BACH1: variants seen among roughly 807,000 people sequenced by gnomAD.
The protein encoded by BACH1 is BTB domain and CNC homolog 1.
A neutral mutation model predicts 52.9 loss-of-function variants in BACH1; 35 were observed. The observed-to-expected ratio is 0.66, with a 90% confidence interval of 0.51 to 0.88. BACH1 has a LOEUF of 0.88. BACH1 is among the 40% of genes least tolerant of loss of function. The pLI is 0.00. For missense variants in BACH1, 808 were observed against 872.6 expected (o/e 0.93, Z 0.93); for synonymous variants, 321 against 319.6 (o/e 1.00, Z -0.05).
chr21:29,347,635 C>T (rs1201581969), downstream of BACH1, among the ~76,000 whole-genome samples: 2 of 152,218 alleles, frequency 1.3e-5, no homozygotes, highest in African/African-American at 2.4e-5. Context: ...GGGCAGACCT[C>T]CTCTCACCTT....
At chr21:29,311,828 C>T (rs1335902803) in intron 1 of BACH1, among the ~76,000 whole-genome samples, 2 of 152,160 alleles carry the variant, frequency 1.3e-5, no homozygotes, top group African/African-American at 2.4e-5. Flanking sequence ...TTCTGTCTCC[C>T]AGCCTGCTTT....
chr21:29,325,429 A>C (rs984648336), intron 2 of BACH1, among the ~76,000 whole-genome samples: 19 of 152,188 alleles, frequency 1.2e-4, no homozygotes, highest in Non-Finnish European at 1.6e-4. Context: ...CTTCGAGTCC[A>C]TGAATTTTTG....
chr21:29,325,823 G>A (rs1158753741), intron 2 of BACH1, among the ~76,000 whole-genome samples: 1 of 152,040 alleles, frequency 6.6e-6, no homozygotes, highest in African/African-American at 2.4e-5. Context: ...CATAATTCAT[G>A]TGCAATTAAG....
At position 29,358,818 on chromosome 21, in the gene BACH1, A is replaced by AAAGAG. The variant is rs2089254453; in HGVS notation, c.472+29129_472+29130insGAAGA. Among the ~76,000 whole-genome samples the AAAGAG allele has an allele frequency of 2.9e-5, 4 of 137,072 alleles. No individual in the cohort carries two copies. In the South Asian group the frequency reaches 9.2e-4, roughly 32 times the overall value. The allele number at this position is 137,072 out of a possible 152,430, so 89.9% of individuals were successfully genotyped here. The stretch of plus-strand genomic sequence containing the variant: ...AGAAAGAAAGAAAGAAAGAAAGAAG[A>AAAGAG]AAGAAAGAAATGTAAAAAGTGCTAA... On this transcript the variant is annotated intron_variant, in intron 2 of 4. Coordinates refer to the BACH1 transcript ENST00000422809.
intron 2 of BACH1, among the ~76,000 whole-genome samples, chr21:29,360,427 A>G (rs1357786516): frequency 6.6e-6 from 1 of 152,194 alleles, no homozygotes; most frequent in Non-Finnish European, 1.5e-5. Flanking sequence ...GCCTTCCACA[A>G]TGAACTCCCT....
rs760136994 is a variant in BACH1 at position 29,326,305 on chromosome 21, G to T, written c.481G>T (p.Asp161Tyr). Residue 161 changes from aspartate to tyrosine, a missense_variant, in exon 3 of 5, where the codon GAC (aspartate) becomes TAC (tyrosine). Physicochemically the swap from Asp to Tyr is radical, Grantham distance 160. Coordinates refer to ENST00000286800, the MANE Select transcript of BACH1 (RefSeq NM_001186.4). ...QKTDLKLSLL[D>Y]QRDLETDEVE... is the part of the protein sequence containing the mutation. ...AACAGACCTTAAACTTTCACTTTTG[G>T]ACCAGAGGGATCTAGAAACTGATGA... 1 of 1,614,144 alleles carries T rather than the reference G, an allele frequency of 6.2e-7. No individual in the cohort carries two copies. Among genetic ancestry groups the T allele is most frequent in the Non-Finnish European group, 8.5e-7 (1 of 1,180,028 alleles).
Position 29,342,584 on chromosome 21 carries a change from AAAAGAT to A in BACH1, c.1966_1971del (p.Asp656_Lys657del). 1 of 1,614,212 alleles carries A rather than the reference AAAAGAT, an allele frequency of 6.2e-7. No homozygotes were observed. The highest frequency in any genetic ancestry group is 8.5e-7 in the Non-Finnish European group (1 of 1,180,034). On this transcript the variant is annotated inframe_deletion, in exon 5 of 5. Coordinates refer to ENST00000286800, the MANE Select transcript of BACH1 (RefSeq NM_001186.4). ...GCCCACTTTCATTTTTAATTTCTGA[AAAAGAT>A]AAAAGTACTCCTGATGGTGAACTGG...
intron 2 of BACH1, among the ~76,000 whole-genome samples, chr21:29,358,364 T>C (rs1245009946): frequency 6.6e-6 from 1 of 152,194 alleles, no homozygotes; most frequent in East Asian, 1.9e-4. Flanking sequence ...GAGCACTCAA[T>C]AACCAGGAAC....
At position 29,329,677 on chromosome 21, in the gene BACH1, C is replaced by T; in HGVS notation, c.1760C>T (p.Ser587Leu). 1.3e-6 allele frequency: 2 copies of T among 1,528,108 alleles called. No individual in the cohort carries two copies. The highest frequency in any genetic ancestry group is 1.8e-6 in the Non-Finnish European group (2 of 1,139,416). 94.7% of individuals were successfully genotyped at this position (1,528,108 alleles called of 1,614,324 possible). Residue 587 changes from serine (S) to leucine (L), a missense_variant, in exon 4 of 5, where the codon TCA (serine) becomes TTA (leucine). Transcript: ENST00000286800. ...RKLDCIQNLE[S>L]EIEKLQSEKE... Reference sequence around the variant, plus strand: ...CTTGACTGTATACAGAATCTTGAATCAGAAATTGAGAAGCTGGTAAGTGTA... The same window carrying T: ...CTTGACTGTATACAGAATCTTGAATTAGAAATTGAGAAGCTGGTAAGTGTA...
intron 1 of BACH1, among the ~76,000 whole-genome samples, chr21:29,320,077 T>C (rs2088830778): frequency 6.6e-6 from 1 of 152,202 alleles, no homozygotes; most frequent in Non-Finnish European, 1.5e-5. Context: ...ACCTTGGGAC[T>C]GAACTTCAGT....
Position 29,342,475 on chromosome 21 carries a change from CTG to C in BACH1, c.1854_1855del (p.Gly619ThrfsTer7). 6.2e-7 allele frequency: 1 copy of C among 1,614,232 alleles called. No homozygotes were observed. Among genetic ancestry groups the C allele is most frequent in the South Asian group, 1.1e-5 (1 of 91,092 alleles). ...CTGGGTGAGACAAAGCAGAACCTAA[CTG>C]GACTTTGCCAGAAAGTTTGTAAAGA... On this transcript the variant is annotated frameshift_variant, in exon 5 of 5. Coordinates refer to ENST00000286800, the MANE Select transcript of BACH1 (RefSeq NM_001186.4). LOFTEE classifies it low-confidence loss of function (END_TRUNC).
chr21:29,359,405 T>A (rs1429302494), intron 2 of BACH1: 1 of 149,034 alleles, frequency 6.7e-6, no homozygotes, highest in Non-Finnish European at 1.5e-5. Context: ...AGTATGATTA[T>A]AACCAGGTAT....
intron 3 of BACH1, among the ~76,000 whole-genome samples, chr21:29,328,095 A>G (rs527281609): frequency 6.6e-6 from 1 of 152,360 alleles, no homozygotes; most frequent in Middle Eastern, 3.4e-3. Context: ...GACCTGGGAC[A>G]TGTCCCTGAG....
At chr21:29,323,321 G>A (rs2088870850) in intron 2 of BACH1, among the ~76,000 whole-genome samples, 1 of 152,114 alleles carries the variant, frequency 6.6e-6, no homozygotes, top group Admixed American at 6.5e-5. Context: ...TAGTGGCCCA[G>A]TCCGAGTCCA....
chr21:29,303,246 A>G (rs2088622140), intron 1 of BACH1, among the ~76,000 whole-genome samples: 1 of 152,240 alleles, frequency 6.6e-6, no homozygotes, highest in Non-Finnish European at 1.5e-5. Context: ...AATACAATGG[A>G]CATATTTATC....
chr21:29,306,169 A>AGAGT (rs1225837577), intron 1 of BACH1, among the ~76,000 whole-genome samples: 11 of 141,286 alleles, frequency 7.8e-5, no homozygotes, highest in African/African-American at 2.6e-4. Context: ...GGTCAGGAAG[A>AGAGT]GTGTGTGTGT....
At chr21:29,304,054 T>C (rs1222123696) in intron 1 of BACH1, among the ~76,000 whole-genome samples, 1 of 152,234 alleles carries the variant, frequency 6.6e-6, no homozygotes, top group Non-Finnish European at 1.5e-5. Context: ...GTAAACACTT[T>C]TTGCAGTGCC....
chr21:29,300,332 C>T (rs1231587469), intron 1 of BACH1, among the ~76,000 whole-genome samples: 1 of 152,210 alleles, frequency 6.6e-6, no homozygotes, highest in Non-Finnish European at 1.5e-5. Context: ...TCATTCGCCC[C>T]AGCTTGAGAG....
At chr21:29,310,261 A>G (rs866556583) in intron 1 of BACH1, among the ~76,000 whole-genome samples, 2 of 152,176 alleles carry the variant, frequency 1.3e-5, no homozygotes, top group African/African-American at 2.4e-5. Flanking sequence ...ACCAAGGCAC[A>G]TTTTTTGTTT....
Sources: gnomAD v4.1 joint callset for allele counts (sites outside exome capture counted in the v4.1 genomes callset) on GRCh38, gnomAD v4.1.1 for gene constraint, MANE v1.5 for transcripts, NCBI Gene and HGNC (gene_info 2026-07-23, HGNC 2026-07-21) for gene names.